Variants in NEURL1 observed in about 807,000 individuals in gnomAD.
NEURL1 encodes the protein E3 ubiquitin-protein ligase NEURL1.
In NEURL1, 26 loss-of-function variants were observed where a neutral mutation model predicts 41.2. That is an observed-to-expected ratio of 0.63 (90% confidence interval 0.46 to 0.87). The LOEUF (loss-of-function observed/expected upper bound fraction) is 0.87. Among genes scored for constraint, NEURL1 ranks in the 40% least tolerant of loss-of-function variants. The pLI is 0.00. For missense variants in NEURL1, 761 were observed against 871.1 expected (o/e 0.87, Z 1.59); for synonymous variants, 400 against 402.3 (o/e 0.99, Z 0.07).
In NEURL1 at chr10:103,577,102, A is replaced by G. The variant is rs1282988506; in HGVS notation, c.649+5280A>G. Among the ~76,000 whole-genome samples the G allele has an allele frequency of 3.3e-5, 5 of 152,232 alleles. No homozygotes were observed. The East Asian group carries it at 9.6e-4, about 29-fold the overall frequency. On this transcript the variant is annotated intron_variant, in intron 3 of 5. Transcript: ENST00000369780. ...CTGAGCCAGCTGTTGGGCTGGGGGA[A>G]ACAGCTGAGGCTGCCGATCATGATT...
chr10:103,577,888 T>C (rs1227681019), intron 3 of NEURL1: 1 of 152,226 alleles, frequency 6.6e-6, no homozygotes, highest in Non-Finnish European at 1.5e-5. Flanking sequence ...TGAATATATA[T>C]CAAGTTGAAC....
chr10:103,520,201 A>C (rs114075714), intron 1 of NEURL1, among the ~76,000 whole-genome samples: 1,754 of 152,336 alleles, frequency 0.012, 24 homozygotes, highest in African/African-American at 0.04. Context: ...AAATGATTAA[A>C]GTCAGTGTCA....
At chr10:103,555,862 G>A (rs565183583) in intron 1 of NEURL1, among the ~76,000 whole-genome samples, 17 of 152,314 alleles carry the variant, frequency 1.1e-4, no homozygotes, top group South Asian at 4.1e-4. Context: ...CTGGGATGTG[G>A]GCCTTGGAGA....
chr10:103,533,638 A>G lies in NEURL1; in HGVS notation c.86-37234A>G, dbSNP rs569376607. Among the ~76,000 whole-genome samples the G allele has an allele frequency of 2.6e-3, 398 of 150,824 alleles. 2 individuals carry two copies. The highest frequency in any genetic ancestry group is 1.6e-3 in the Non-Finnish European group (106 of 67,690). On this transcript the variant is annotated intron_variant, in intron 1 of 5. Coordinates refer to ENST00000369780, the MANE Select transcript of NEURL1 (RefSeq NM_004210.5). ...TGCAAGCTCTGCCTCCTGGGTTCAC[A>G]CCATTCTCCTGCCTCAGCCTCCTGA...
chr10:103,585,007 C>A lies in NEURL1; in HGVS notation c.1121C>A (p.Pro374His). 1 of 1,576,286 alleles carries A rather than the reference C, an allele frequency of 6.3e-7. No individual in the cohort carries two copies. Among genetic ancestry groups the A allele is most frequent in the South Asian group, 1.1e-5 (1 of 87,834 alleles). ...TLRPADLPFS[P>H]EALVDRKEFW... ...CGGCCGGCCGACCTGCCTTTCAGCC[C>A]TGAGGCCCTGGTGGACCGCAAGGAA... is the stretch of plus-strand genomic sequence containing the variant. Residue 374 changes from proline to histidine, a missense_variant, in exon 4 of 6, where the codon CCT (proline) becomes CAT (histidine). Transcript: ENST00000369780.
intron 1 of NEURL1, among the ~76,000 whole-genome samples, chr10:103,553,428 C>T (rs1240899437): frequency 6.6e-6 from 1 of 152,160 alleles, no homozygotes; most frequent in Non-Finnish European, 1.5e-5. Context: ...TGTGACTGCA[C>T]AGCTATGAGC....
chr10:103,519,710 C>T (rs1039169414), intron 1 of NEURL1, among the ~76,000 whole-genome samples: 1 of 152,166 alleles, frequency 6.6e-6, no homozygotes, highest in African/African-American at 2.4e-5. Flanking sequence ...CATCACATTA[C>T]ACCATCGTCA....
At chr10:103,498,668 A>G (rs2033747996) in intron 1 of NEURL1, among the ~76,000 whole-genome samples, 1 of 152,200 alleles carries the variant, frequency 6.6e-6, no homozygotes, top group Admixed American at 6.5e-5. Flanking sequence ...CCAAAAGGAA[A>G]TGCCATGCCC....
rs2036023514 is a variant in NEURL1 at position 103,590,716 on chromosome 10, G to A, written c.*344G>A. On this transcript the variant is annotated 3_prime_UTR_variant, in exon 6 of 6. Coordinates refer to ENST00000369780, the MANE Select transcript of NEURL1 (RefSeq NM_004210.5). ...TGAGGCAGGTTTCTAGGAGGTGTCT[G>A]TAGTCCATGTGGCACCTTTGTGAGA... is the stretch of plus-strand genomic sequence containing the variant. 1 of 333,456 alleles carries A rather than the reference G, an allele frequency of 3.0e-6. No homozygotes were observed. Among genetic ancestry groups the A allele is most frequent in the Admixed American group, 4.4e-5 (1 of 22,692 alleles). The allele number at this position is 333,456 out of a possible 1,614,324, so 20.7% of individuals were successfully genotyped here. A position where few individuals can be genotyped will look rare whatever the true frequency, so the allele number is the denominator to read the frequency against.
chr10:103,502,833 T>G (rs1249773793), intron 1 of NEURL1, among the ~76,000 whole-genome samples: 1 of 152,224 alleles, frequency 6.6e-6, no homozygotes, highest in Non-Finnish European at 1.5e-5. Context: ...CTGTTTCCTG[T>G]TAGTTTGTGC....
intron 1 of NEURL1, among the ~76,000 whole-genome samples, chr10:103,507,822 T>A (rs1444075978): frequency 1.3e-5 from 2 of 152,144 alleles, no homozygotes; most frequent in African/African-American, 4.8e-5. Flanking sequence ...CCTGGCTTCT[T>A]TTCTGCCAGG....
Position 103,591,425 on chromosome 10 carries a change from T to G in NEURL1, c.*1053T>G, listed in dbSNP as rs1485431133. ...TATTTATTTGGTTTGTGGTTTTGGG[T>G]TTTTTTTGTTTGTTTGTTTGTAGGT... is the stretch of plus-strand genomic sequence containing the variant. On this transcript the variant is annotated 3_prime_UTR_variant, in exon 6 of 6. Transcript: ENST00000369780. 6.6e-6 allele frequency: 1 copy of G among 152,058 alleles called. No individual in the cohort carries two copies. The highest frequency in any genetic ancestry group is 1.5e-5 in the Non-Finnish European group (1 of 68,056). The allele number at this position is 152,058 out of a possible 1,614,324, so 9.4% of individuals were successfully genotyped here. A position where few individuals can be genotyped will look rare whatever the true frequency, so the allele number is the denominator to read the frequency against.
intron 1 of NEURL1, among the ~76,000 whole-genome samples, chr10:103,518,838 C>T (rs1307020844): frequency 1.3e-5 from 2 of 152,198 alleles, no homozygotes; most frequent in Non-Finnish European, 1.5e-5. Flanking sequence ...CAGGGGCTAC[C>T]TCTGGAGAAT....
chr10:103,540,738 G>T (rs537454878), intron 1 of NEURL1, among the ~76,000 whole-genome samples: 1 of 152,296 alleles, frequency 6.6e-6, no homozygotes, highest in South Asian at 2.1e-4. Flanking sequence ...TGTTGATGGA[G>T]GGTGATTTGT....
intron 1 of NEURL1, chr10:103,548,982 C>T (rs1039726873): frequency 1.3e-5 from 2 of 152,376 alleles, no homozygotes; most frequent in Admixed American, 1.3e-4. Context: ...ATGTTTGCCT[C>T]CAGCTAGGGA....
intron 1 of NEURL1, among the ~76,000 whole-genome samples, chr10:103,527,941 CG>C (rs1564810909): frequency 6.6e-6 from 1 of 152,148 alleles, no homozygotes; most frequent in Non-Finnish European, 1.5e-5. Context: ...GTATAAAGGC[CG>C]GGCACAATGG....
rs190814142 is a variant in NEURL1, at chr10:103,562,315, G to A, written c.86-8557G>A. ...GGAGAATCACTTGAACCTGGGAGGC[G>A]GAGGTTGCAGTGAGCCAAGATCACG... On this transcript the variant is annotated intron_variant, in intron 1 of 5. Transcript: ENST00000369780. Among the ~76,000 whole-genome samples, 123 of 152,284 alleles carry A rather than the reference G, an allele frequency of 8.1e-4. 1 individual carries two copies. Among genetic ancestry groups the A allele is most frequent in the Admixed American group, 7.6e-3 (116 of 15,302 alleles).
intron 1 of NEURL1, chr10:103,551,069 A>G (rs2133867690): frequency 6.6e-6 from 1 of 152,220 alleles, no homozygotes; most frequent in East Asian, 1.9e-4. Flanking sequence ...AGCTGAAAGA[A>G]CCTGATTCCT....
Position 103,592,100 on chromosome 10 carries a change from G to T in NEURL1, c.*1728G>T, listed in dbSNP as rs1184356897. On this transcript the variant is annotated 3_prime_UTR_variant, in exon 6 of 6. Transcript: ENST00000369780. The surrounding 1 kb of genome is among the most constrained non-coding windows in gnomAD (Gnocchi z 4.8). ...ACTGCACCTCTGTGTGGCAGGCAGG[G>T]CATGGGTTTTAGTCCTGGCCACTGA... 6.6e-6 allele frequency: 1 copy of T among 152,276 alleles called. No individual in the cohort carries two copies. The highest frequency in any genetic ancestry group is 1.9e-4 in the East Asian group (1 of 5,194). The allele number at this position is 152,276 out of a possible 1,614,324, so 9.4% of individuals were successfully genotyped here.
Sources: allele counts gnomAD v4.1 joint callset (sites outside exome capture counted in the v4.1 genomes callset), GRCh38; gene constraint gnomAD v4.1.1; non-coding constraint Gnocchi (gnomAD v3.1); transcripts MANE v1.5; gene names NCBI Gene and HGNC (gene_info 2026-07-23, HGNC 2026-07-21).